HTR1F: variants seen among roughly 807,000 people sequenced by gnomAD.
HTR1F encodes 5-hydroxytryptamine receptor 1F.
Under a neutral mutation model 24.0 loss-of-function variants are expected in HTR1F, and 17 were observed. The observed-to-expected ratio is 0.71, with a 90% CI of 0.48 to 1.06. The LOEUF is 1.06. Among genes scored for constraint, HTR1F ranks in the 50% least tolerant of loss-of-function variants. The pLI, the probability that HTR1F is intolerant of heterozygous loss-of-function variation, is 0.00. For synonymous variants in HTR1F, 186 were observed against 156.8 expected (o/e 1.19, Z -1.39); for missense variants, 391 against 427.8 (o/e 0.91, Z 0.76).
chr3:87,913,073 CA>C (rs1703816604), intron 2 of HTR1F, among the ~76,000 whole-genome samples: 1 of 152,014 alleles, frequency 6.6e-6, no homozygotes, highest in Non-Finnish European at 1.5e-5. Flanking sequence ...GCAACAAAAG[CA>C]AAAATTAACA....
intron 2 of HTR1F, among the ~76,000 whole-genome samples, chr3:87,841,666 G>A (rs1238613120): frequency 6.6e-6 from 1 of 151,682 alleles, no homozygotes; most frequent in Non-Finnish European, 1.5e-5. Flanking sequence ...TTGGGAGGCT[G>A]AGGCAGGCAG....
intron 1 of HTR1F, among the ~76,000 whole-genome samples, chr3:87,813,811 A>T (rs900217594): frequency 6.6e-6 from 1 of 152,044 alleles, no homozygotes; most frequent in Non-Finnish European, 1.5e-5. Context: ...TTCCTCCTTC[A>T]TATGCTCTCT....
chr3:87,903,141 C>A (rs957736534), intron 2 of HTR1F, among the ~76,000 whole-genome samples: 10 of 152,094 alleles, frequency 6.6e-5, no homozygotes, highest in African/African-American at 2.4e-4. Flanking sequence ...GGATTCAAGA[C>A]TTAAATGTTA....
At chr3:87,917,415 A>C (rs1015649549) in intron 2 of HTR1F, among the ~76,000 whole-genome samples, 2 of 151,772 alleles carry the variant, frequency 1.3e-5, no homozygotes, top group Non-Finnish European at 2.9e-5. Flanking sequence ...AAGTTAAATG[A>C]AACAAGAAGC....
Position 87,915,865 on chromosome 3 carries a change from A to G in HTR1F, c.-42-74843A>G, listed in dbSNP as rs115665521. ...ACAAGAAGCACACAGAACACCTGGA[A>G]AACTCATCGCAAAAATATTATCACC... On this transcript the variant is annotated intron_variant, in intron 2 of 2. Coordinates refer to ENST00000319595, the MANE Select transcript of HTR1F (RefSeq NM_001322209.2). Among the ~76,000 whole-genome samples the G allele has an allele frequency of 4.2e-3, 634 of 152,320 alleles. 6 individuals carry two copies. The highest frequency in any genetic ancestry group is 0.015 in the African/African-American group (614 of 41,574).
intron 1 of HTR1F, among the ~76,000 whole-genome samples, chr3:87,819,211 T>C (rs1453596814): frequency 6.6e-6 from 1 of 152,206 alleles, no homozygotes; most frequent in Admixed American, 6.5e-5. Context: ...GATACTGCCA[T>C]GGTTCTATTT....
At chr3:87,883,980 G>A (rs1170167606) in intron 2 of HTR1F, among the ~76,000 whole-genome samples, 1 of 152,040 alleles carries the variant, frequency 6.6e-6, no homozygotes, top group Non-Finnish European at 1.5e-5. Context: ...TTCAAATTCA[G>A]GAAATACAGA....
intron 2 of HTR1F, among the ~76,000 whole-genome samples, chr3:87,879,953 C>A (rs1705752602): frequency 6.6e-6 from 1 of 151,970 alleles, no homozygotes; most frequent in Non-Finnish European, 1.5e-5. Flanking sequence ...ATATTTCCTC[C>A]TATTTAAAAG....
chr3:87,866,528 C>A (rs1360447312), intron 2 of HTR1F, among the ~76,000 whole-genome samples: 1 of 152,186 alleles, frequency 6.6e-6, no homozygotes, highest in Non-Finnish European at 1.5e-5. Flanking sequence ...ACACTATGAC[C>A]TTTACATTGT....
Position 87,963,917 on chromosome 3 carries a change from TG to T in HTR1F, c.-42-26789del, listed in dbSNP as rs1269659807. Among the ~76,000 whole-genome samples the T allele has an allele frequency of 2.0e-5, 3 of 152,156 alleles. 1 individual carries two copies. Among genetic ancestry groups the T allele is most frequent in the Admixed American group, 1.3e-4 (2 of 15,258 alleles). The stretch of plus-strand genomic sequence containing the variant: ...AGCCCCAGAGCACCAGGTTCATACT[TG>T]GTGGGAGTTCATTAATAATTCAGAA... On this transcript the variant is annotated intron_variant, in intron 2 of 2. Transcript: ENST00000319595.
intron 2 of HTR1F, among the ~76,000 whole-genome samples, chr3:87,837,333 G>A (rs1328759265): frequency 1.3e-5 from 2 of 151,944 alleles, no homozygotes; most frequent in African/African-American, 4.8e-5. Context: ...ATAGAAATAA[G>A]GCAGTCGTCA....
At chr3:87,949,320 T>A (rs1291316447) in intron 2 of HTR1F, among the ~76,000 whole-genome samples, 1 of 152,212 alleles carries the variant, frequency 6.6e-6, no homozygotes, top group South Asian at 2.1e-4. Flanking sequence ...GCTCAGTCAG[T>A]TTCTAATAGC....
chr3:87,912,221 A>G (rs2195715), intron 2 of HTR1F, among the ~76,000 whole-genome samples: 66,215 of 151,780 alleles, frequency 0.44, 15,450 homozygotes, highest in African/African-American at 0.61. Context: ...CTTTAGCAAA[A>G]TTTCATGATA....
intron 2 of HTR1F, among the ~76,000 whole-genome samples, chr3:87,852,181 C>T (rs913544308): frequency 3.3e-5 from 5 of 151,318 alleles, no homozygotes; most frequent in Non-Finnish European, 7.4e-5. Flanking sequence ...AAATGATTAC[C>T]CATAGTTTTT....
rs567339298 is a variant in HTR1F at position 87,811,195 on chromosome 3, T to G, written c.-159-10813T>G. On this transcript the variant is annotated intron_variant, in intron 1 of 2. Transcript: ENST00000319595. The stretch of plus-strand genomic sequence containing the variant: ...ATTGGAGATTCTCCAGTAGTCTGGC[T>G]CACTAGTTCCTCTGAATGATTTACC... Among the ~76,000 whole-genome samples the G allele has an allele frequency of 9.2e-5, 14 of 152,202 alleles. No individual in the cohort carries two copies. In the South Asian group the frequency reaches 2.7e-3, roughly 29 times the overall value.
chr3:87,940,207 G>T (rs906169533), intron 2 of HTR1F, among the ~76,000 whole-genome samples: 2 of 152,134 alleles, frequency 1.3e-5, no homozygotes, highest in African/African-American at 4.8e-5. Context: ...GTTCTAATTT[G>T]ATTGCACTGT....
intron 2 of HTR1F, among the ~76,000 whole-genome samples, chr3:87,980,426 T>C (rs1322307161): frequency 2.0e-5 from 3 of 152,162 alleles, no homozygotes; most frequent in African/African-American, 7.2e-5. Context: ...CAAATCTGGC[T>C]AAGTCCAGGG....
At chr3:87,895,588 C>T (rs960171643) in intron 2 of HTR1F, among the ~76,000 whole-genome samples, 16 of 152,030 alleles carry the variant, frequency 1.1e-4, no homozygotes, top group East Asian at 3.9e-4. Context: ...AATACATCTT[C>T]GGATTTTACC....
intron 2 of HTR1F, among the ~76,000 whole-genome samples, chr3:87,869,578 A>G (rs549815169): frequency 1.6e-4 from 24 of 152,208 alleles, no homozygotes; most frequent in African/African-American, 5.8e-4. Flanking sequence ...GACCCAAGAG[A>G]GCTGATGATG....
Sources: gnomAD v4.1 joint callset for allele counts (sites outside exome capture counted in the v4.1 genomes callset) on GRCh38, gnomAD v4.1.1 for gene constraint, MANE v1.5 for transcripts, NCBI Gene and HGNC (gene_info 2026-07-23, HGNC 2026-07-21) for gene names.